AUTS2: variants seen among roughly 807,000 people sequenced by gnomAD.
AUTS2 encodes the protein autism susceptibility gene 2 protein.
AUTS2 carries 17 observed loss-of-function variants against 112.4 expected under a neutral mutation model. That is an observed-to-expected ratio of 0.15 (90% CI 0.10 to 0.23). The LOEUF is 0.23. AUTS2 is among the 10% of genes least tolerant of loss of function. The pLI, the probability that AUTS2 is intolerant of heterozygous loss-of-function variation, is 1.00. For synonymous variants in AUTS2, 751 were observed against 702.7 expected (o/e 1.07, Z -1.09); for missense variants, 1,510 against 1,701.6 (o/e 0.89, Z 1.98).
At chr7:70,254,713 A>G (rs1786767601) in intron 4 of AUTS2, among the ~76,000 whole-genome samples, 2 of 152,196 alleles carry the variant, frequency 1.3e-5, no homozygotes, top group African/African-American at 2.4e-5. Flanking sequence ...TCTCCTTAAG[A>G]GCAAATTTCA....
intron 1 of AUTS2, among the ~76,000 whole-genome samples, chr7:69,780,013 G>C (rs1351980419): frequency 2.0e-5 from 3 of 151,824 alleles, no homozygotes; most frequent in Non-Finnish European, 4.4e-5. Flanking sequence ...ATGCCACCAT[G>C]CCCAACTAAA....
At chr7:70,142,939 C>T (rs1280653019) in intron 4 of AUTS2, among the ~76,000 whole-genome samples, 5 of 152,124 alleles carry the variant, frequency 3.3e-5, no homozygotes, top group African/African-American at 1.2e-4. Context: ...CTCTGATTAC[C>T]CACACAACCC....
chr7:70,534,565 T>A (rs1274004996), intron 5 of AUTS2, among the ~76,000 whole-genome samples: 1 of 152,142 alleles, frequency 6.6e-6, no homozygotes, highest in Non-Finnish European at 1.5e-5. Context: ...AAGCTGAGAT[T>A]ACAGGCATGT....
chr7:69,751,389 A>G (rs563155679), intron 1 of AUTS2, among the ~76,000 whole-genome samples: 2 of 151,824 alleles, frequency 1.3e-5, no homozygotes, highest in Non-Finnish European at 2.9e-5. Flanking sequence ...TTTTTGGTCT[A>G]TTGCTAATAG....
chr7:70,697,568 C>CG (rs1038578703), intron 5 of AUTS2, among the ~76,000 whole-genome samples: 2 of 142,682 alleles, frequency 1.4e-5, no homozygotes, highest in African/African-American at 5.1e-5. Context: ...ATTCCCCCCC[C>CG]CCATTTCCTA....
At chr7:70,635,672 G>T (rs1325047671) in intron 5 of AUTS2, among the ~76,000 whole-genome samples, 1 of 152,214 alleles carries the variant, frequency 6.6e-6, no homozygotes, top group Non-Finnish European at 1.5e-5. Flanking sequence ...ACTGTCAGAG[G>T]ACTATTCCTG....
intron 1 of AUTS2, among the ~76,000 whole-genome samples, chr7:69,846,097 G>A (rs1188213829): frequency 1.5e-5 from 2 of 131,956 alleles, no homozygotes; most frequent in Non-Finnish European, 3.2e-5. Context: ...GTTTATTTGG[G>A]ATTTTTTTTT....
intron 4 of AUTS2, among the ~76,000 whole-genome samples, chr7:70,254,643 A>G (rs17762460): frequency 0.22 from 33,249 of 152,114 alleles, 3,618 homozygotes; most frequent in Middle Eastern, 0.32. Context: ...TACTGTTTCT[A>G]TAAAACTTTC....
chr7:70,709,485 C>T (rs1199858906), intron 6 of AUTS2, among the ~76,000 whole-genome samples: 6 of 151,970 alleles, frequency 3.9e-5, no homozygotes, highest in Non-Finnish European at 8.8e-5. Flanking sequence ...CCGAGGCGGG[C>T]GGATCACTTG....
chr7:70,000,636 T>A (rs1324517350), intron 2 of AUTS2, among the ~76,000 whole-genome samples: 1 of 152,218 alleles, frequency 6.6e-6, no homozygotes, highest in Non-Finnish European at 1.5e-5. Flanking sequence ...TCCCATCATC[T>A]TTATATTTGA....
intron 1 of AUTS2, among the ~76,000 whole-genome samples, chr7:69,857,712 G>A (rs1792794857): frequency 6.6e-6 from 1 of 152,058 alleles, no homozygotes; most frequent in African/African-American, 2.4e-5. Flanking sequence ...ACATTCCCGG[G>A]AGGCTGAGGC....
chr7:69,764,422 G>A (rs78642299), intron 1 of AUTS2, among the ~76,000 whole-genome samples: 4 of 151,978 alleles, frequency 2.6e-5, no homozygotes, highest in African/African-American at 9.7e-5. Flanking sequence ...TCAAGTTGCG[G>A]GCAGGGGCGC....
chr7:69,722,879 A>G (rs1294807042), intron 1 of AUTS2, among the ~76,000 whole-genome samples: 2 of 152,004 alleles, frequency 1.3e-5, no homozygotes, highest in Non-Finnish European at 2.9e-5. Flanking sequence ...TGGTAACACC[A>G]AAGCATCTGA....
At chr7:70,097,579 A>C (rs1475297723) in intron 2 of AUTS2, among the ~76,000 whole-genome samples, 7 of 152,210 alleles carry the variant, frequency 4.6e-5, no homozygotes, top group Admixed American at 4.6e-4. Context: ...CACTGAGTAT[A>C]TCTGTACAGT....
intron 4 of AUTS2, among the ~76,000 whole-genome samples, chr7:70,298,007 C>T (rs1789024697): frequency 6.6e-6 from 1 of 151,886 alleles, no homozygotes; most frequent in East Asian, 1.9e-4. Context: ...AACCCAAAGC[C>T]TCTTTTTTTG....
chr7:69,620,530 G>A (rs1006676621), intron 1 of AUTS2, among the ~76,000 whole-genome samples: 1 of 152,160 alleles, frequency 6.6e-6, no homozygotes, highest in Non-Finnish European at 1.5e-5. Flanking sequence ...TTAGATGGAT[G>A]ACGAAAACAG....
chr7:70,118,325 T>C, intron 3 of AUTS2, 92 bp downstream of exon 3: 1 of 1,355,386 alleles, frequency 7.4e-7, no homozygotes, highest in Non-Finnish European at 9.6e-7. Context: ...ATTACATAAC[T>C]TTCCCTCATC....
At chr7:70,014,122 A>G (rs940883417) in intron 2 of AUTS2, among the ~76,000 whole-genome samples, 1 of 152,236 alleles carries the variant, frequency 6.6e-6, no homozygotes, top group East Asian at 1.9e-4. Context: ...ATCACATGCC[A>G]TAAGAAAGTA....
At chr7:70,185,836 G>C (rs1421994511) in intron 4 of AUTS2, among the ~76,000 whole-genome samples, 1 of 152,212 alleles carries the variant, frequency 6.6e-6, no homozygotes, top group African/African-American at 2.4e-5. Context: ...AGTGTCATCA[G>C]TGGGGCCTAC....
Sources: gnomAD v4.1 joint callset for allele counts (sites outside exome capture counted in the v4.1 genomes callset) on GRCh38, gnomAD v4.1.1 for gene constraint, MANE v1.5 for transcripts, NCBI Gene and HGNC (gene_info 2026-07-23, HGNC 2026-07-21) for gene names.